The following SMIM20 variants were observed in gnomAD, a reference collection of about 807,000 sequenced individuals.
The protein encoded by SMIM20 is mitochondrial translation regulation assembly intermediate of cytochrome c oxidase protein of 7 kDa.
Under a neutral mutation model 8.7 loss-of-function variants are expected in SMIM20, and 3 were observed. The observed-to-expected ratio is 0.34, with a 90% CI of 0.16 to 0.89. The LOEUF (loss-of-function observed/expected upper bound fraction) is 0.89, where lower values mean the gene tolerates loss of function less well. SMIM20 is among the 40% of genes least tolerant of loss of function. SMIM20 has a pLI of 0.49. For synonymous variants in SMIM20, 44 were observed against 33.6 expected, an observed-to-expected ratio of 1.31 and a Z score of -1.07; for missense variants, 85 against 84.8, an observed-to-expected ratio of 1.00 and a Z score of -0.01.
chr4:25,922,001 A>G (rs1013242675), intron 1 of SMIM20, among the ~76,000 whole-genome samples: 14 of 152,344 alleles, frequency 9.2e-5, no homozygotes, highest in African/African-American at 2.6e-4. Context: ...TTTAACAGAA[A>G]TAAGTTAGAA....
intron 2 of SMIM20, among the ~76,000 whole-genome samples, chr4:25,928,717 A>AATAGTGT (rs1374247691): frequency 6.6e-6 from 1 of 152,222 alleles, no homozygotes; most frequent in African/African-American, 2.4e-5. Flanking sequence ...CTCATGGGAA[A>AATAGTGT]ATAGTGTTTA....
intron 1 of SMIM20, among the ~76,000 whole-genome samples, chr4:25,918,543 G>GCCTA (rs1299128253): frequency 1.3e-5 from 2 of 151,126 alleles, no homozygotes; most frequent in African/African-American, 2.4e-5. Flanking sequence ...CGCTGTTGAT[G>GCCTA]CCTAGGCTGG....
At chr4:25,926,066 C>T (rs1387999015) in intron 1 of SMIM20, among the ~76,000 whole-genome samples, 2 of 152,144 alleles carry the variant, frequency 1.3e-5, no homozygotes, top group Non-Finnish European at 2.9e-5. Flanking sequence ...GAAATGTGCT[C>T]ACTAGTGAAA....
At chr4:25,916,477 GC>G (rs1719094528) in intron 1 of SMIM20, among the ~76,000 whole-genome samples, 1 of 152,082 alleles carries the variant, frequency 6.6e-6, no homozygotes, top group Non-Finnish European at 1.5e-5. Flanking sequence ...CTCCCAAAGT[GC>G]TGGGATTATA....
chr4:25,928,272 GC>G (rs888881445), intron 1 of SMIM20, 40 bp from the exon 2 acceptor site: 3 of 1,531,488 alleles, frequency 2.0e-6, no homozygotes, highest in Admixed American at 2.1e-5. Context: ...CTCTCTCCCC[GC>G]CCCCCTTCTA....
chr4:25,914,369 GCGC>G lies in SMIM20; in HGVS notation c.61_63del (p.Ala21del). On this transcript the variant is annotated inframe_deletion, in exon 1 of 3. Transcript: ENST00000506197. ...TTCGGCGGCTTCATCTCCCTGATCGGCGCCGCCTTCTATCCCATCTACTTCCGG... is the reference window on the plus strand; with the variant it reads ...TTCGGCGGCTTCATCTCCCTGATCGGCGCCTTCTATCCCATCTACTTCCGG... The G allele has an allele frequency of 6.5e-7, 1 of 1,548,570 alleles. No individual in the cohort carries two copies. The highest frequency in any genetic ancestry group is 8.7e-7 in the Non-Finnish European group (1 of 1,145,078).
chr4:25,916,210 T>C (rs1283034665), intron 1 of SMIM20, among the ~76,000 whole-genome samples: 1 of 152,112 alleles, frequency 6.6e-6, no homozygotes, highest in Non-Finnish European at 1.5e-5. Flanking sequence ...TTCCCACTTT[T>C]CTGGTTCCTT....
intron 1 of SMIM20, among the ~76,000 whole-genome samples, chr4:25,922,617 C>A (rs1409801595): frequency 6.6e-6 from 1 of 152,188 alleles, no homozygotes; most frequent in African/African-American, 2.4e-5. Flanking sequence ...TCTTGTTAGG[C>A]CTTCTCTCCT....
intron 1 of SMIM20, among the ~76,000 whole-genome samples, chr4:25,920,441 GATAT>G (rs1478660011): frequency 1.3e-5 from 2 of 151,954 alleles, no homozygotes; most frequent in Non-Finnish European, 2.9e-5. Context: ...ATAGAATGAA[GATAT>G]ATAAAGAGAA....
chr4:25,920,348 T>C (rs1036015953), intron 1 of SMIM20, among the ~76,000 whole-genome samples: 1 of 152,178 alleles, frequency 6.6e-6, no homozygotes, highest in African/African-American at 2.4e-5. Flanking sequence ...GGGCCTAGGC[T>C]AATATATATG....
At chr4:25,920,951 C>G (rs1202402240) in intron 1 of SMIM20, among the ~76,000 whole-genome samples, 1 of 152,138 alleles carries the variant, frequency 6.6e-6, no homozygotes, top group Non-Finnish European at 1.5e-5. Flanking sequence ...TAGGTTTGTG[C>G]AAGTACACTC....
Position 25,928,377 on chromosome 4 carries a change from G to GA in SMIM20, c.166+19dup, listed in dbSNP as rs573783931. 0.014 allele frequency: 16,085 copies of GA among 1,142,198 alleles called. 6 individuals are homozygous for GA. The highest frequency in any genetic ancestry group is 0.019 in the South Asian group (1,078 of 56,730). 70.8% of individuals were successfully genotyped at this position (1,142,198 alleles called of 1,614,324 possible). Reference sequence around the variant, plus strand: ...AGGATGTGCAGCCACCAGGTAAACTGAAAAAAAAAAATCAAAACCAAATCT... The same window carrying GA: ...AGGATGTGCAGCCACCAGGTAAACTGAAAAAAAAAAAATCAAAACCAAATCT... On this transcript the variant is annotated intron_variant, in intron 2 of 2. Coordinates refer to ENST00000506197, the MANE Select transcript of SMIM20 (RefSeq NM_001145432.3).
chr4:25,920,563 G>T (rs547924245), intron 1 of SMIM20, among the ~76,000 whole-genome samples: 7 of 152,236 alleles, frequency 4.6e-5, no homozygotes, highest in Admixed American at 1.3e-4. Context: ...GCTAGCTGAG[G>T]TTCATTTATT....
chr4:25,929,436 A>G lies in SMIM20; in HGVS notation c.*245A>G, dbSNP rs553621813. ...TTTTCATGATTCAGTTGATTTTCCA[A>G]AAATGAAGCTATCTCACCCAGCTGG... On this transcript the variant is annotated 3_prime_UTR_variant, in exon 3 of 3. Transcript: ENST00000506197. The G allele has an allele frequency of 8.5e-6, 4 of 470,276 alleles. No individual in the cohort carries two copies. Among genetic ancestry groups the G allele is most frequent in the East Asian group, 7.0e-5 (2 of 28,614 alleles). The allele number at this position is 470,276 out of a possible 1,614,324, so 29.1% of individuals were successfully genotyped here.
intron 1 of SMIM20, among the ~76,000 whole-genome samples, chr4:25,922,806 G>T (rs889515423): frequency 3.3e-5 from 5 of 152,104 alleles, no homozygotes; most frequent in South Asian, 2.1e-4. Flanking sequence ...GATCAGTCCG[G>T]GCCCTTCACC....
intron 2 of SMIM20, 29 bp from the exon 3 acceptor site, chr4:25,929,125 C>A: frequency 6.4e-7 from 1 of 1,551,106 alleles, no homozygotes; most frequent in Non-Finnish European, 8.7e-7. Flanking sequence ...AAAAATGAAT[C>A]CTGTTTTTGT....
intron 1 of SMIM20, among the ~76,000 whole-genome samples, chr4:25,915,281 A>G (rs1490566224): frequency 6.6e-6 from 1 of 152,128 alleles, no homozygotes; most frequent in Non-Finnish European, 1.5e-5. Context: ...TACCTCAGCA[A>G]GGATTAGCAC....
At position 25,929,274 on chromosome 4, in the gene SMIM20, A is replaced by C; in HGVS notation, c.*83A>C. 1.4e-6 allele frequency: 2 copies of C among 1,424,886 alleles called. No individual in the cohort carries two copies. The highest frequency in any genetic ancestry group is 1.9e-6 in the Non-Finnish European group (2 of 1,036,828). 88.3% of individuals were successfully genotyped at this position (1,424,886 alleles called of 1,614,324 possible). On this transcript the variant is annotated 3_prime_UTR_variant, in exon 3 of 3. Coordinates refer to ENST00000506197, the MANE Select transcript of SMIM20 (RefSeq NM_001145432.3). ...ATGGGGTACAGCCAGTCACCTCACCAGAGAATGACGGCTGGAGAAGAAAAC... is the reference window on the plus strand; with the variant it reads ...ATGGGGTACAGCCAGTCACCTCACCCGAGAATGACGGCTGGAGAAGAAAAC...
At position 25,929,326 on chromosome 4, in the gene SMIM20, T is replaced by G. The variant is rs1163195632; in HGVS notation, c.*135T>G. On this transcript the variant is annotated 3_prime_UTR_variant, in exon 3 of 3. Coordinates refer to ENST00000506197, the MANE Select transcript of SMIM20 (RefSeq NM_001145432.3). The stretch of plus-strand genomic sequence containing the variant: ...CTGTAATACCATAAATAAGAGTGCT[T>G]GTAATAAAAGACTGTGCACAAGGAT... The G allele has an allele frequency of 2.4e-6, 2 of 831,310 alleles. No individual in the cohort carries two copies. Among genetic ancestry groups the G allele is most frequent in the South Asian group, 3.8e-5 (2 of 53,042 alleles). The allele number at this position is 831,310 out of a possible 1,614,324, so 51.5% of individuals were successfully genotyped here. A position where few individuals can be genotyped will look rare whatever the true frequency, so the allele number is the denominator to read the frequency against.
Sources: allele counts gnomAD v4.1 joint callset (sites outside exome capture counted in the v4.1 genomes callset), GRCh38; gene constraint gnomAD v4.1.1; transcripts MANE v1.5; gene names NCBI Gene and HGNC (gene_info 2026-07-23, HGNC 2026-07-21).